Variants in CHP1 observed in about 807,000 individuals in gnomAD.
The protein encoded by CHP1 is calcineurin like EF-hand protein 1.
CHP1 carries 11 observed loss-of-function variants against 27.4 expected under a neutral mutation model. The ratio of observed to expected loss-of-function variants is 0.40; its 90% CI spans 0.25 to 0.67. The LOEUF is 0.67. Among genes scored for constraint, CHP1 ranks in the 30% least tolerant of loss-of-function variants. The pLI is 0.38. For missense variants in CHP1, 169 were observed against 251.3 expected (o/e 0.67, Z 2.22); for synonymous variants, 89 against 87.4 (o/e 1.02, Z -0.10).
chr15:41,247,085 GC>G (rs2047339009), intron 2 of CHP1, among the ~76,000 whole-genome samples: 1 of 152,026 alleles, frequency 6.6e-6, no homozygotes, highest in African/African-American at 2.4e-5. Context: ...CTAAGTAAGG[GC>G]CAAGCGCAGT....
chr15:41,278,445 C>T (rs1489523658), intron 5 of CHP1, among the ~76,000 whole-genome samples: 1 of 151,730 alleles, frequency 6.6e-6, no homozygotes, highest in Non-Finnish European at 1.5e-5. Flanking sequence ...CAGATTATTT[C>T]GCCACCCATG....
chr15:41,264,230 T>C lies in CHP1; in HGVS notation c.349+1347T>C, dbSNP rs1010148910. 5.4e-6 allele frequency: 7 copies of C among 1,285,400 alleles called. No individual in the cohort carries two copies. In the African/African-American group the frequency reaches 7.6e-5, roughly 14 times the overall value. 79.6% of individuals were successfully genotyped at this position (1,285,400 alleles called of 1,614,324 possible). A position where few individuals can be genotyped will look rare whatever the true frequency, so the allele number is the denominator to read the frequency against. ...AATTGAGCAACACTCCTCCCAAGCA[T>C]GGAATGTAAGTCCTTCCCCTCACTT... On this transcript the variant is annotated intron_variant, in intron 4 of 6. Coordinates refer to ENST00000334660, the MANE Select transcript of CHP1 (RefSeq NM_007236.5).
At chr15:41,267,633 G>T (rs113767082) in intron 4 of CHP1, among the ~76,000 whole-genome samples, 37,072 of 150,918 alleles carry the variant, frequency 0.25, 4,655 homozygotes, top group African/African-American at 0.27. Flanking sequence ...CTGCACTCCA[G>T]CCTGGGTGAC....
chr15:41,257,422 T>TA (rs1268206391), intron 3 of CHP1, among the ~76,000 whole-genome samples: 1 of 152,036 alleles, frequency 6.6e-6, no homozygotes, highest in African/African-American at 2.4e-5. Flanking sequence ...GCAAGCCACA[T>TA]ACGTAATTTT....
chr15:41,273,999 C>T lies in CHP1; in HGVS notation c.411+3381C>T, dbSNP rs574399830. 6.0e-4 allele frequency among the ~76,000 whole-genome samples: 91 copies of T among 151,540 alleles called. 1 individual carries two copies. Among genetic ancestry groups the T allele is most frequent in the Admixed American group, 1.2e-3 (19 of 15,212 alleles). ...TTTTTGAGACGGAGTCTCGCTCTGT[C>T]GCTCGGGCTGGAGTGCAATGGCGCG... On this transcript the variant is annotated intron_variant, in intron 5 of 6. Transcript: ENST00000334660.
chr15:41,256,585 G>T (rs1489243468), intron 2 of CHP1: 3 of 291,454 alleles, frequency 1.0e-5, no homozygotes, highest in Non-Finnish European at 2.0e-5. Flanking sequence ...TTAATAACTA[G>T]GTACGCAATG....
intron 4 of CHP1, 110 bp from the exon 5 acceptor site, chr15:41,270,447 A>G: frequency 2.6e-6 from 2 of 784,016 alleles, no homozygotes; most frequent in Non-Finnish European, 4.3e-6. Context: ...GTTCTTGGAA[A>G]ATCGATTAAT....
At chr15:41,267,634 C>A (rs558233981) in intron 4 of CHP1, among the ~76,000 whole-genome samples, 1 of 151,026 alleles carries the variant, frequency 6.6e-6, no homozygotes, top group South Asian at 2.1e-4. Context: ...TGCACTCCAG[C>A]CTGGGTGACA....
intron 5 of CHP1, among the ~76,000 whole-genome samples, chr15:41,272,844 C>T (rs942804982): frequency 5.9e-5 from 9 of 152,078 alleles, no homozygotes; most frequent in African/African-American, 9.7e-5. Flanking sequence ...GTCAGGAGAT[C>T]GAGACCATCC....
chr15:41,278,948 T>C lies in CHP1; in HGVS notation c.534+59T>C, dbSNP rs111485600. On this transcript the variant is annotated intron_variant, in intron 6 of 6. Transcript: ENST00000334660. ...GTTTTAGTGGCTGGGCGCGGTGGCT[T>C]ACGCCTGTAATCCCAGCACTTTAGG... 6,141 of 1,602,866 alleles carry C rather than the reference T, an allele frequency of 3.8e-3. 81 individuals carry two copies. Among genetic ancestry groups the C allele is most frequent in the African/African-American group, 0.031 (2,310 of 74,804 alleles).
intron 2 of CHP1, among the ~76,000 whole-genome samples, chr15:41,247,629 G>A (rs1429965037): frequency 1.4e-5 from 2 of 147,380 alleles, no homozygotes; most frequent in Non-Finnish European, 3.0e-5. Context: ...CCGAGATCGT[G>A]CCACTGCACT....
chr15:41,265,586 C>T (rs1440570477), intron 4 of CHP1, among the ~76,000 whole-genome samples: 1 of 151,348 alleles, frequency 6.6e-6, no homozygotes. Context: ...TGGCGGGCGC[C>T]TGTAATCTCA....
At chr15:41,239,778 A>T in intron 1 of CHP1, among the ~76,000 whole-genome samples, 1 of 147,784 alleles carries the variant, frequency 6.8e-6, no homozygotes, top group Admixed American at 6.8e-5. Context: ...TTTCTTTTTT[A>T]TTTATTTATT....
rs372103853 is a variant in CHP1, at chr15:41,271,233, C to T, written c.411+615C>T. On this transcript the variant is annotated intron_variant, in intron 5 of 6. Coordinates refer to ENST00000334660, the MANE Select transcript of CHP1 (RefSeq NM_007236.5). ...TCACTCCACTGCACTCCAGCCTGGG[C>T]GACAGAGCAAGATTCCGTCTCAAAA... 1.1e-4 allele frequency among the ~76,000 whole-genome samples: 15 copies of T among 130,976 alleles called. No homozygotes were observed. In the East Asian group the frequency reaches 2.6e-3, roughly 22 times the overall value. 85.9% of individuals were successfully genotyped at this position (130,976 alleles called of 152,430 possible).
intron 2 of CHP1, among the ~76,000 whole-genome samples, chr15:41,255,088 G>A (rs2047391742): frequency 6.6e-6 from 1 of 152,166 alleles, no homozygotes; most frequent in South Asian, 2.1e-4. Flanking sequence ...CAAGAAAGTT[G>A]CATTTTGAAA....
At chr15:41,274,118 G>A (rs369937616) in intron 5 of CHP1, among the ~76,000 whole-genome samples, 21 of 151,830 alleles carry the variant, frequency 1.4e-4, no homozygotes, top group African/African-American at 2.4e-4. Flanking sequence ...CTGCCACCAC[G>A]CCTGGCTAAT....
chr15:41,279,165 C>T (rs1178241154), intron 6 of CHP1, among the ~76,000 whole-genome samples, 171 bp from the exon 7 acceptor site: 1 of 150,346 alleles, frequency 6.7e-6, no homozygotes, highest in Non-Finnish European at 1.5e-5. Context: ...GAGCCGAGAC[C>T]ACACCACTGC....
At chr15:41,240,935 C>A (rs913915658) in intron 1 of CHP1, among the ~76,000 whole-genome samples, 2 of 151,432 alleles carry the variant, frequency 1.3e-5, no homozygotes, top group African/African-American at 4.9e-5. Flanking sequence ...TCACTGCAAC[C>A]TTCGCCTCCC....
At chr15:41,256,596 C>CA (rs2047401766) in intron 2 of CHP1, 2 of 318,400 alleles carry the variant, frequency 6.3e-6, no homozygotes, top group Non-Finnish European at 1.2e-5. Context: ...GTACGCAATG[C>CA]TAATGTTCAA....
Sources: allele counts gnomAD v4.1 joint callset (sites outside exome capture counted in the v4.1 genomes callset), GRCh38; gene constraint gnomAD v4.1.1; transcripts MANE v1.5; gene names NCBI Gene and HGNC (gene_info 2026-07-23, HGNC 2026-07-21).